The following PAM variants were observed in gnomAD, a reference collection of about 807,000 sequenced individuals.
PAM encodes peptidylglycine alpha-amidating monooxygenase.
A neutral mutation model predicts 122.1 loss-of-function variants in PAM; 72 were observed. The observed-to-expected ratio is 0.59, with a 90% confidence interval of 0.49 to 0.72. PAM has a LOEUF of 0.72. Among genes scored for constraint, PAM ranks in the 30% least tolerant of loss-of-function variants. The pLI is 0.00. For missense variants in PAM, 1,106 were observed against 1,183.7 expected (o/e 0.93, Z 0.96); for synonymous variants, 389 against 404.4 (o/e 0.96, Z 0.46).
intron 23 of PAM, among the ~76,000 whole-genome samples, chr5:103,024,909 A>G (rs574628300): frequency 3.5e-4 from 54 of 152,344 alleles, no homozygotes; most frequent in Middle Eastern, 6.8e-3. Flanking sequence ...AAAGTAGAAC[A>G]AAAGAAAACT....
chr5:102,812,079 A>C (rs1220456182), intron 1 of PAM, among the ~76,000 whole-genome samples: 2 of 152,218 alleles, frequency 1.3e-5, no homozygotes, highest in Non-Finnish European at 2.9e-5. Flanking sequence ...GCCAAATGTG[A>C]AATCTAGTAA....
chr5:102,918,517 AAAGT>A (rs920566362), intron 5 of PAM, among the ~76,000 whole-genome samples: 6 of 152,240 alleles, frequency 3.9e-5, no homozygotes, highest in African/African-American at 7.2e-5. Flanking sequence ...AGTTTAATTT[AAAGT>A]AAGTAAATTT....
chr5:102,795,461 G>A (rs1763168401), intron 1 of PAM, among the ~76,000 whole-genome samples: 1 of 152,178 alleles, frequency 6.6e-6, no homozygotes, highest in African/African-American at 2.4e-5. Flanking sequence ...GCTTATCAGA[G>A]CAACTCTCGC....
intron 1 of PAM, among the ~76,000 whole-genome samples, chr5:102,757,221 G>T (rs1168896988): frequency 1.7e-4 from 26 of 152,090 alleles, no homozygotes; most frequent in Middle Eastern, 3.2e-3. Context: ...CAGCTACTTG[G>T]GAGACTGAGG....
At chr5:102,912,215 C>A (rs1801612899) in intron 4 of PAM, among the ~76,000 whole-genome samples, 1 of 151,862 alleles carries the variant, frequency 6.6e-6, no homozygotes, top group African/African-American at 2.4e-5. Context: ...GGGAGGAAGT[C>A]ATGTAATCAT....
At chr5:102,965,005 G>A (rs544760217) in intron 14 of PAM, among the ~76,000 whole-genome samples, 69 of 151,868 alleles carry the variant, frequency 4.5e-4, no homozygotes, top group African/African-American at 1.4e-3. Flanking sequence ...AAATGTCACC[G>A]TCCTTCAAAG....
chr5:102,848,898 G>T (rs1780640490), intron 1 of PAM, among the ~76,000 whole-genome samples: 1 of 152,110 alleles, frequency 6.6e-6, no homozygotes, highest in Non-Finnish European at 1.5e-5. Context: ...ATATTTATCA[G>T]AATCAGTATC....
chr5:102,988,817 TA>T (rs542592388), intron 15 of PAM, among the ~76,000 whole-genome samples: 246 of 152,268 alleles, frequency 1.6e-3, no homozygotes, highest in African/African-American at 5.3e-3. Flanking sequence ...TAATTTTTAT[TA>T]AAAAAATGTA....
intron 1 of PAM, among the ~76,000 whole-genome samples, chr5:102,842,914 T>C (rs1212435309): frequency 6.6e-6 from 1 of 152,200 alleles, no homozygotes. Context: ...AAATTCGCCA[T>C]AATCTAGAGA....
At chr5:102,980,687 T>C (rs963950190) in intron 15 of PAM, among the ~76,000 whole-genome samples, 3 of 152,142 alleles carry the variant, frequency 2.0e-5, no homozygotes, top group African/African-American at 7.2e-5. Context: ...ATTAAAAATA[T>C]GGTGACACTG....
intron 1 of PAM, among the ~76,000 whole-genome samples, chr5:102,836,970 A>G (rs553773809): frequency 2.8e-4 from 43 of 151,894 alleles, no homozygotes; most frequent in South Asian, 8.3e-4. Context: ...GCCTGAAATG[A>G]TAAGAGCTAG....
At chr5:102,795,201 A>AAAAAAAAAAAAAAAT (rs1763074753) in intron 1 of PAM, among the ~76,000 whole-genome samples, 1 of 150,572 alleles carries the variant, frequency 6.6e-6, no homozygotes. Flanking sequence ...AAAAAAAAAA[A>AAAAAAAAAAAAAAAT]AAAAAAAAAA....
intron 1 of PAM, among the ~76,000 whole-genome samples, chr5:102,829,923 C>A (rs1774939624): frequency 6.6e-6 from 1 of 151,984 alleles, no homozygotes; most frequent in Middle Eastern, 3.4e-3. Flanking sequence ...CTGTATATGA[C>A]CTTTAAAAAA....
intron 1 of PAM, among the ~76,000 whole-genome samples, chr5:102,834,237 C>A (rs1776279610): frequency 1.3e-5 from 2 of 152,102 alleles, no homozygotes; most frequent in Non-Finnish European, 2.9e-5. Context: ...ATCTTTCCCC[C>A]TTCTTTTTAG....
At chr5:102,946,565 G>A (rs1181407697) in intron 7 of PAM, among the ~76,000 whole-genome samples, 2 of 147,634 alleles carry the variant, frequency 1.4e-5, no homozygotes, top group Non-Finnish European at 3.0e-5. Flanking sequence ...TATCTAGTAT[G>A]TCTGCAGGAA....
At chr5:102,810,500 T>C (rs1767584278) in intron 1 of PAM, among the ~76,000 whole-genome samples, 1 of 152,208 alleles carries the variant, frequency 6.6e-6, no homozygotes, top group Non-Finnish European at 1.5e-5. Context: ...AAATGAAATA[T>C]GGCAGAAAAA....
At chr5:102,955,175 C>T (rs1428728559) in intron 12 of PAM, among the ~76,000 whole-genome samples, 3 of 151,814 alleles carry the variant, frequency 2.0e-5, no homozygotes, top group South Asian at 2.1e-4. Flanking sequence ...GGAGTGTTTG[C>T]GGTATAGACA....
intron 1 of PAM, among the ~76,000 whole-genome samples, chr5:102,835,034 G>C (rs890264572): frequency 6.6e-5 from 10 of 152,134 alleles, no homozygotes; most frequent in African/African-American, 1.9e-4. Context: ...TCCCCTTGTG[G>C]TTCAAATCTT....
intron 1 of PAM, among the ~76,000 whole-genome samples, chr5:102,828,831 A>G (rs1296303970): frequency 6.6e-6 from 1 of 152,098 alleles, no homozygotes; most frequent in Non-Finnish European, 1.5e-5. Context: ...GTAATCTCCA[A>G]AGTAGTAGAA....
Sources: allele counts gnomAD v4.1 joint callset (sites outside exome capture counted in the v4.1 genomes callset), GRCh38; gene constraint gnomAD v4.1.1; transcripts MANE v1.5; gene names NCBI Gene and HGNC (gene_info 2026-07-23, HGNC 2026-07-21).